ESRP1: variants seen among roughly 807,000 people sequenced by gnomAD.
ESRP1 encodes epithelial splicing regulatory protein 1.
Under a neutral mutation model 81.7 loss-of-function variants are expected in ESRP1, and 33 were observed. The observed-to-expected ratio is 0.40, with a 90% CI of 0.31 to 0.54. The LOEUF (loss-of-function observed/expected upper bound fraction) is 0.54, where lower values mean the gene tolerates loss of function less well. Among genes scored for constraint, ESRP1 ranks in the 20% least tolerant of loss-of-function variants. The pLI is 0.41. For synonymous variants in ESRP1, 320 were observed against 303.3 expected (o/e 1.06, Z -0.57); for missense variants, 672 against 833.1 (o/e 0.81, Z 2.38).
intron 1 of ESRP1, chr8:94,641,672 G>A (rs1817597899): frequency 1.3e-6 from 1 of 744,432 alleles, no homozygotes; most frequent in South Asian, 2.0e-5. Flanking sequence ...TGGAGAGGCC[G>A]GCGCTACCGA....
chr8:94,683,255 A>G (rs1808998056), intron 13 of ESRP1, among the ~76,000 whole-genome samples: 1 of 151,894 alleles, frequency 6.6e-6, no homozygotes, highest in Non-Finnish European at 1.5e-5. Context: ...ATGAATATGT[A>G]TATTTAGTAA....
rs983868029 is a variant in ESRP1 at position 94,671,463 on chromosome 8, G to A, written c.1244G>A (p.Arg415Gln). Residue 415 changes from arginine (R) to glutamine (Q), a missense_variant, in exon 11 of 16, where the codon CGA (arginine) becomes CAA (glutamine). Transcript: ENST00000433389. ...TTGCTTTGAGTACAGGTGCTGAATCGATTCTCCTCGGCCCCTCTCATTCCA... is the reference window on the plus strand; with the variant it reads ...TTGCTTTGAGTACAGGTGCTGAATCAATTCTCCTCGGCCCCTCTCATTCCA... ...TAAEVQQVLN[R>Q]FSSAPLIPLP... 3.1e-6 allele frequency: 5 copies of A among 1,612,430 alleles called. No homozygotes were observed. The highest frequency in any genetic ancestry group is 3.3e-5 in the Admixed American group (2 of 59,852).
At chr8:94,683,846 T>C (rs12677830) in intron 13 of ESRP1, among the ~76,000 whole-genome samples, 51,940 of 152,050 alleles carry the variant, frequency 0.34, 9,527 homozygotes, top group East Asian at 0.56. Flanking sequence ...TACTAGTCAG[T>C]GAGAGTTCAG....
chr8:94,692,734 T>G lies in ESRP1; in HGVS notation c.1878T>G (p.Gly626=). ...TCCCTACAGCTGCTAATCTTAGCGGTGTCCCTCCACAGCCTGGCACGGTGG... is the reference window on the plus strand; with the variant it reads ...TCCCTACAGCTGCTAATCTTAGCGGGGTCCCTCCACAGCCTGGCACGGTGG... ...GYFPTAANLS[G]VPPQPGTVVR... The change falls in exon 14 of 16, where the codon GGT becomes GGG. Residue 626 remains glycine, a synonymous_variant. Transcript: ENST00000433389. 1 of 1,613,968 alleles carries G rather than the reference T, an allele frequency of 6.2e-7. No individual in the cohort carries two copies. The highest frequency in any genetic ancestry group is 2.2e-5 in the East Asian group (1 of 44,882).
rs377154401 is a variant in ESRP1 at position 94,696,967 on chromosome 8, G to T, written c.*35+6G>T. Reference sequence around the variant, plus strand: ...GAACATCCTCAGAAAAGAAGGTAAGGCTTTATGATGTGCAAGTTAAATTAT... The same window carrying T: ...GAACATCCTCAGAAAAGAAGGTAAGTCTTTATGATGTGCAAGTTAAATTAT... On this transcript the variant is annotated splice_donor_region_variant and intron_variant, in intron 15 of 15. Transcript: ENST00000433389. 5.2e-6 allele frequency: 8 copies of T among 1,529,252 alleles called. No homozygotes were observed. Among genetic ancestry groups the T allele is most frequent in the South Asian group, 2.5e-5 (2 of 80,334 alleles). The allele number at this position is 1,529,252 out of a possible 1,614,324, so 94.7% of individuals were successfully genotyped here.
At chr8:94,664,579 G>A (rs1818923268) in intron 6 of ESRP1, 118 bp from the exon 7 acceptor site, 1 of 710,960 alleles carries the variant, frequency 1.4e-6, no homozygotes, top group Non-Finnish European at 2.5e-6. Context: ...AGTATTGCTA[G>A]TCTGTCTGAA....
chr8:94,690,413 A>G (rs1586249590), intron 13 of ESRP1, among the ~76,000 whole-genome samples: 1 of 149,222 alleles, frequency 6.7e-6, no homozygotes, highest in Non-Finnish European at 1.5e-5. Context: ...GATCACAGGT[A>G]TGAGCCACTG....
At chr8:94,670,081 T>A (rs932336095) in intron 10 of ESRP1, among the ~76,000 whole-genome samples, 2 of 152,152 alleles carry the variant, frequency 1.3e-5, no homozygotes, top group Non-Finnish European at 2.9e-5. Flanking sequence ...CCTGGGCTAC[T>A]CTGTTGGTTT....
At chr8:94,684,449 T>C (rs1809055862) in intron 13 of ESRP1, among the ~76,000 whole-genome samples, 1 of 152,122 alleles carries the variant, frequency 6.6e-6, no homozygotes, top group Non-Finnish European at 1.5e-5. Context: ...CAGATGAAAA[T>C]TAAAGTCAGT....
chr8:94,689,249 CAAAAA>C (rs56220336), intron 13 of ESRP1, among the ~76,000 whole-genome samples: 196 of 98,846 alleles, frequency 2.0e-3, no homozygotes, highest in Non-Finnish European at 2.6e-3. Flanking sequence ...ACTCAGTCTC[CAAAAA>C]AAAAAAAAAA....
rs1415341687 is a variant in ESRP1, at chr8:94,707,424, TAG to T, written c.*1538_*1539del. 2.0e-5 allele frequency: 3 copies of T among 152,212 alleles called. No homozygotes were observed. The highest frequency in any genetic ancestry group is 2.4e-5 in the African/African-American group (1 of 41,460). 9.4% of individuals were successfully genotyped at this position (152,212 alleles called of 1,614,324 possible). A position where few individuals can be genotyped will look rare whatever the true frequency, so the allele number is the denominator to read the frequency against. ...TTACTACAATACTACTGAGTTTTTG[TAG>T]AGTTAACATTTGATAATAAAACTTG... On this transcript the variant is annotated 3_prime_UTR_variant, in exon 16 of 16. Transcript: ENST00000433389.
chr8:94,692,448 G>A (rs990764878), intron 13 of ESRP1, among the ~76,000 whole-genome samples: 26 of 152,070 alleles, frequency 1.7e-4, no homozygotes, highest in Non-Finnish European at 1.3e-4. Context: ...ATGTGAGGAA[G>A]CCCTGTATGT....
intron 13 of ESRP1, among the ~76,000 whole-genome samples, chr8:94,682,729 T>G (rs1173553102): frequency 6.7e-6 from 1 of 149,422 alleles, no homozygotes; most frequent in Non-Finnish European, 1.5e-5. Context: ...TAATGAGTGA[T>G]GTAGTCACAA....
chr8:94,671,048 C>A (rs1819294887), intron 10 of ESRP1, among the ~76,000 whole-genome samples: 1 of 152,156 alleles, frequency 6.6e-6, no homozygotes, highest in Non-Finnish European at 1.5e-5. Context: ...TATATTTCTA[C>A]TTTTGCTACA....
intron 10 of ESRP1, among the ~76,000 whole-genome samples, chr8:94,669,076 C>T (rs762494640): frequency 3.3e-5 from 5 of 152,106 alleles, no homozygotes; most frequent in South Asian, 2.1e-4. Flanking sequence ...TGAGCCACCA[C>T]GCCTGGCAAC....
intron 13 of ESRP1, among the ~76,000 whole-genome samples, chr8:94,678,715 A>C (rs1351104179): frequency 6.6e-6 from 1 of 152,226 alleles, no homozygotes; most frequent in Non-Finnish European, 1.5e-5. Flanking sequence ...TCATAACAGG[A>C]ACAATGCTAT....
intron 13 of ESRP1, among the ~76,000 whole-genome samples, chr8:94,684,143 G>A (rs117946430): frequency 0.017 from 935 of 53,816 alleles, 8 homozygotes; most frequent in Admixed American, 0.026. Flanking sequence ...CACTGCGCAC[G>A]CCTTGGGGTA....
chr8:94,659,938 A>T (rs1014570866), intron 4 of ESRP1, among the ~76,000 whole-genome samples: 2 of 152,224 alleles, frequency 1.3e-5, no homozygotes, highest in African/African-American at 4.8e-5. Context: ...CTTCAATTCT[A>T]TGAAGGCTGA....
At chr8:94,675,519 T>G (rs1023776883) in intron 12 of ESRP1, among the ~76,000 whole-genome samples, 10 of 152,224 alleles carry the variant, frequency 6.6e-5, no homozygotes, top group African/African-American at 1.7e-4. Flanking sequence ...ACCTGCTGCT[T>G]GCTGTTGGTG....
Sources: allele counts gnomAD v4.1 joint callset (sites outside exome capture counted in the v4.1 genomes callset), GRCh38; gene constraint gnomAD v4.1.1; transcripts MANE v1.5; gene names NCBI Gene and HGNC (gene_info 2026-07-23, HGNC 2026-07-21).